DPRX: variants seen among roughly 807,000 people sequenced by gnomAD.
DPRX encodes divergent paired-related homeobox.
DPRX carries 11 observed loss-of-function variants against 8.4 expected under a neutral mutation model. That is an observed-to-expected ratio of 1.31 (90% CI 0.82 to 2.17). The LOEUF is 2.17. DPRX is among the 30% of genes most tolerant of loss of function. The probability of loss-of-function intolerance (pLI) is 0.00; values close to 1 mark genes in which losing one functional copy is unlikely to be tolerated. For missense variants in DPRX, 211 were observed against 236.7 expected (o/e 0.89, Z 0.71); for synonymous variants, 72 against 87.0 (o/e 0.83, Z 0.96).
chr19:53,602,267 G>GTGT, the DPRX span: 21 of 277,384 alleles, frequency 7.6e-5, no homozygotes, highest in East Asian at 1.6e-3. Context: ...TATGGGTATG[G>GTGT]GTGTGTGTGT....
the DPRX span, among the ~76,000 whole-genome samples, chr19:53,604,830 G>A: frequency 2.1e-5 from 3 of 145,654 alleles, no homozygotes; most frequent in South Asian, 2.2e-4. Context: ...GCTACAGAGC[G>A]AGACTCTGTC....
the DPRX span, among the ~76,000 whole-genome samples, chr19:53,608,984 AG>A: frequency 7.0e-6 from 1 of 141,890 alleles, no homozygotes; most frequent in Non-Finnish European, 1.5e-5. Flanking sequence ...AGGAAAGAAA[AG>A]AAAGAAAGAG....
the DPRX span, among the ~76,000 whole-genome samples, chr19:53,605,415 C>G: frequency 6.7e-6 from 1 of 148,334 alleles, no homozygotes; most frequent in Non-Finnish European, 1.5e-5. Flanking sequence ...CTCGCTCTGT[C>G]GCTCAGGCTG....
the DPRX span, among the ~76,000 whole-genome samples, chr19:53,619,445 C>T: frequency 4.6e-5 from 7 of 152,054 alleles, no homozygotes; most frequent in South Asian, 2.1e-4. Flanking sequence ...GAGGCCGAGA[C>T]GGGCGGATCA....
the DPRX span, among the ~76,000 whole-genome samples, chr19:53,601,765 A>C: frequency 1.3e-5 from 2 of 152,056 alleles, no homozygotes; most frequent in Non-Finnish European, 2.9e-5. Flanking sequence ...TACAGGTGTG[A>C]GCCACCTCAC....
At chr19:53,620,921 T>C in the DPRX span, among the ~76,000 whole-genome samples, 1 of 151,734 alleles carries the variant, frequency 6.6e-6, no homozygotes, top group Admixed American at 6.6e-5. Flanking sequence ...ATGGGATAAA[T>C]GACAGCAGAA....
At chr19:53,611,260 A>G in the DPRX span, among the ~76,000 whole-genome samples, 4 of 152,038 alleles carry the variant, frequency 2.6e-5, no homozygotes, top group Admixed American at 2.0e-4. Context: ...AAGTGCTCTC[A>G]TGATAATTTT....
At chr19:53,636,490 A>G in intron 2 of DPRX, 106 bp from the exon 3 acceptor site, 1 of 966,414 alleles carries the variant, frequency 1.0e-6, no homozygotes, top group Non-Finnish European at 1.4e-6. Flanking sequence ...ATATAAATAA[A>G]TAAAATACGT....
the DPRX span, among the ~76,000 whole-genome samples, chr19:53,625,824 G>C: frequency 6.6e-6 from 1 of 152,002 alleles, no homozygotes; most frequent in Non-Finnish European, 1.5e-5. Context: ...CTTTAGTAGA[G>C]ACGGGGTTTC....
At chr19:53,636,502 T>A in intron 2 of DPRX, 94 bp from the exon 3 acceptor site, 1 of 1,046,578 alleles carries the variant, frequency 9.6e-7, no homozygotes, top group Non-Finnish European at 1.2e-6. Context: ...AAAATACGTT[T>A]AACAAAATAA....
the DPRX span, among the ~76,000 whole-genome samples, chr19:53,621,273 C>CAG: frequency 1.3e-5 from 2 of 152,054 alleles, no homozygotes; most frequent in Non-Finnish European, 2.9e-5. Flanking sequence ...GCTGGGACTG[C>CAG]AGTTGCATGC....
chr19:53,603,392 C>T, the DPRX span: 9 of 456,418 alleles, frequency 2.0e-5, no homozygotes, highest in African/African-American at 4.0e-5. Flanking sequence ...GGCCCCATCT[C>T]GGGGTGGGGA....
chr19:53,614,021 G>A, the DPRX span, among the ~76,000 whole-genome samples: 419 of 151,030 alleles, frequency 2.8e-3, 2 homozygotes, highest in African/African-American at 9.4e-3. Flanking sequence ...GCCTGATCTC[G>A]GCTCACTGCA....
chr19:53,636,942 A>G (rs372699403), exon 3 of DPRX: 2 of 1,612,660 alleles, frequency 1.2e-6, no homozygotes, highest in African/African-American at 2.7e-5. Flanking sequence ...CCAAGCTTCC[A>G]TTCTGGCTCT....
chr19:53,632,667 C>T (rs928255522), intron 1 of DPRX, among the ~76,000 whole-genome samples: 2 of 151,946 alleles, frequency 1.3e-5, no homozygotes, highest in Non-Finnish European at 1.5e-5. Context: ...TGGTCTCAAG[C>T]CCCTGACCTC....
chr19:53,636,079 A>G (rs571538001), intron 2 of DPRX, among the ~76,000 whole-genome samples: 26 of 152,314 alleles, frequency 1.7e-4, no homozygotes, highest in Middle Eastern at 3.4e-3. Flanking sequence ...ACTAAAAGGA[A>G]AACTTGGGTT....
chr19:53,627,659 G>C (rs1029053418), upstream of DPRX, among the ~76,000 whole-genome samples: 1 of 150,502 alleles, frequency 6.6e-6, no homozygotes, highest in South Asian at 2.1e-4. Flanking sequence ...GGCTGGTCTC[G>C]AACTCCTGAC....
the DPRX span, among the ~76,000 whole-genome samples, chr19:53,616,335 T>C: frequency 1.4e-4 from 22 of 152,198 alleles, no homozygotes; most frequent in African/African-American, 5.3e-4. Context: ...GTAAACTTCA[T>C]TGTTCTGCCT....
At chr19:53,627,822 G>A (rs1183427262), upstream of DPRX, among the ~76,000 whole-genome samples, 4 of 151,528 alleles carry the variant, frequency 2.6e-5, no homozygotes, top group Non-Finnish European at 5.9e-5. Flanking sequence ...AGGCCGAGGC[G>A]GGGAGATCAC....
Sources: gnomAD v4.1 joint callset for allele counts (sites outside exome capture counted in the v4.1 genomes callset) on GRCh38, gnomAD v4.1.1 for gene constraint, MANE v1.5 for transcripts, NCBI Gene and HGNC (gene_info 2026-07-23, HGNC 2026-07-21) for gene names.